The following ZFHX3 variants were observed in gnomAD, a reference collection of about 807,000 sequenced individuals.
The protein encoded by ZFHX3 is zinc finger homeobox protein 3.
In ZFHX3, 42 loss-of-function variants were observed where a neutral mutation model predicts 279.1. That is an observed-to-expected ratio of 0.15 (90% CI 0.12 to 0.19). ZFHX3 has a LOEUF of 0.19. Ranked by LOEUF, ZFHX3 falls within the 10% of genes least tolerant of loss-of-function variation. The probability of loss-of-function intolerance (pLI) is 1.00; values close to 1 mark genes in which losing one functional copy is unlikely to be tolerated. For missense variants in ZFHX3, 4,981 were observed against 4,754.0 expected (o/e 1.05, Z -1.40); for synonymous variants, 2,293 against 1,957.8 (o/e 1.17, Z -4.52).
chr16:73,304,410 C>T (rs1176504083), intron 4 of ZFHX3, among the ~76,000 whole-genome samples: 1 of 152,118 alleles, frequency 6.6e-6, no homozygotes. Context: ...GAGGTCCCCG[C>T]GTGCCTCTGT....
intron 1 of ZFHX3, among the ~76,000 whole-genome samples, chr16:73,881,496 C>G (rs1241566666): frequency 7.7e-6 from 1 of 129,616 alleles, no homozygotes; most frequent in Non-Finnish European, 1.6e-5. Context: ...CCCCCCCACT[C>G]TGCCCATGGT....
At chr16:73,262,141 T>C (rs992680172) in intron 4 of ZFHX3, among the ~76,000 whole-genome samples, 1 of 152,226 alleles carries the variant, frequency 6.6e-6, no homozygotes, top group African/African-American at 2.4e-5. Context: ...ATTTTCACAT[T>C]TAAGTGAATT....
chr16:73,885,632 T>C (rs2142418161), intron 1 of ZFHX3, among the ~76,000 whole-genome samples: 1 of 152,266 alleles, frequency 6.6e-6, no homozygotes, highest in East Asian at 1.9e-4. Flanking sequence ...CAAAAAAAGG[T>C]GATGGGAGAA....
At chr16:73,420,677 G>C (rs190983597) in intron 3 of ZFHX3, 68 of 152,260 alleles carry the variant, frequency 4.5e-4, no homozygotes, top group African/African-American at 1.6e-3. Context: ...AACCAAGCTG[G>C]CTGGTGTCGC....
At chr16:72,886,535 G>C (rs1000455547) in intron 4 of ZFHX3, among the ~76,000 whole-genome samples, 1 of 152,174 alleles carries the variant, frequency 6.6e-6, no homozygotes, top group Non-Finnish European at 1.5e-5. Context: ...GCTGTACACT[G>C]TTTAGTGTGG....
chr16:72,996,674 G>T (rs1963306958), intron 1 of ZFHX3, among the ~76,000 whole-genome samples: 1 of 152,252 alleles, frequency 6.6e-6, no homozygotes, highest in Non-Finnish European at 1.5e-5. Flanking sequence ...GCATTACCAG[G>T]CCCTGCCCTG....
intron 3 of ZFHX3, among the ~76,000 whole-genome samples, chr16:72,908,210 C>T (rs1597368398): frequency 6.6e-6 from 1 of 152,238 alleles, no homozygotes; most frequent in East Asian, 1.9e-4. Context: ...TGGGGATTGA[C>T]ACACAGGAGC....
At chr16:73,757,516 G>A (rs1233452264) in intron 1 of ZFHX3, among the ~76,000 whole-genome samples, 3 of 152,112 alleles carry the variant, frequency 2.0e-5, no homozygotes, top group Non-Finnish European at 4.4e-5. Flanking sequence ...AGGACAGTAG[G>A]GAATGTTTTT....
At chr16:73,673,273 T>C (rs1171976410) in intron 2 of ZFHX3, among the ~76,000 whole-genome samples, 1 of 152,206 alleles carries the variant, frequency 6.6e-6, no homozygotes, top group Non-Finnish European at 1.5e-5. Flanking sequence ...CTAATTTTCC[T>C]ACTTTTAAGC....
chr16:73,167,233 T>G (rs764717075), intron 5 of ZFHX3, among the ~76,000 whole-genome samples: 5 of 152,264 alleles, frequency 3.3e-5, no homozygotes, highest in Non-Finnish European at 7.3e-5. Context: ...TTGGAAATTC[T>G]CTTAAAATTT....
At position 73,004,159 on chromosome 16, in the gene ZFHX3, C is replaced by CTTTTTTTTTTTTTTTTTTTTTTTTT. The variant is rs3081625; in HGVS notation, c.-50+43568_-50+43592dup. On this transcript the variant is annotated intron_variant, in intron 1 of 9. Coordinates refer to ENST00000268489, the MANE Select transcript of ZFHX3 (RefSeq NM_006885.4). ...CAATAATAACTACATAAAAACACGA[C>CTTTTTTTTTTTTTTTTTTTTTTTTT]TTTTTTTTTTTTTTTTTTTTTTTTT... is the stretch of plus-strand genomic sequence containing the variant. Among the ~76,000 whole-genome samples, 4 of 49,372 alleles carry CTTTTTTTTTTTTTTTTTTTTTTTTT rather than the reference C, an allele frequency of 8.1e-5. 1 individual carries two copies. Among genetic ancestry groups the CTTTTTTTTTTTTTTTTTTTTTTTTT allele is most frequent in the African/African-American group, 2.1e-4 (2 of 9,434 alleles). 32.4% of individuals were successfully genotyped at this position (49,372 alleles called of 152,430 possible).
At chr16:73,092,774 T>C in intron 8 of ZFHX3, 1 of 369,538 alleles carries the variant, frequency 2.7e-6, no homozygotes, top group Non-Finnish European at 5.3e-6. Context: ...GTCTTCACCC[T>C]GCTATTTATG....
intron 4 of ZFHX3, among the ~76,000 whole-genome samples, chr16:72,872,985 C>G (rs2038203161): frequency 1.3e-5 from 2 of 152,172 alleles, no homozygotes. Context: ...CTTCCTCTGT[C>G]TCTACTGATT....
At chr16:73,540,515 A>T (rs993034520) in intron 2 of ZFHX3, among the ~76,000 whole-genome samples, 1 of 152,202 alleles carries the variant, frequency 6.6e-6, no homozygotes, top group Non-Finnish European at 1.5e-5. Context: ...ACAGAGAAAA[A>T]AGATCAATCA....
At chr16:73,681,524 T>C (rs2053009774) in intron 1 of ZFHX3, among the ~76,000 whole-genome samples, 3 of 152,348 alleles carry the variant, frequency 2.0e-5, no homozygotes, top group Admixed American at 1.3e-4. Flanking sequence ...TTCATTCGAA[T>C]AGTCATGAGT....
At chr16:73,129,939 A>G (rs763181525) in intron 7 of ZFHX3, among the ~76,000 whole-genome samples, 1 of 152,204 alleles carries the variant, frequency 6.6e-6, no homozygotes, top group Admixed American at 6.5e-5. Context: ...AGGCAAAAGC[A>G]GGAAAACAGG....
chr16:73,271,414 G>A (rs1422107745), intron 4 of ZFHX3, among the ~76,000 whole-genome samples: 1 of 152,182 alleles, frequency 6.6e-6, no homozygotes, highest in Non-Finnish European at 1.5e-5. Flanking sequence ...CCGAGCCACT[G>A]GTGAAAGCCC....
At chr16:73,799,134 A>C (rs991689389) in intron 1 of ZFHX3, among the ~76,000 whole-genome samples, 3 of 152,134 alleles carry the variant, frequency 2.0e-5, no homozygotes, top group African/African-American at 7.2e-5. Context: ...TGGAGGCACC[A>C]ATGAGGTGAT....
intron 3 of ZFHX3, among the ~76,000 whole-genome samples, chr16:73,383,548 A>G (rs1353318043): frequency 6.6e-6 from 1 of 152,214 alleles, no homozygotes; most frequent in East Asian, 1.9e-4. Flanking sequence ...CAAAGGGAAG[A>G]GAATAGCATC....
Sources: allele counts gnomAD v4.1 joint callset (sites outside exome capture counted in the v4.1 genomes callset), GRCh38; gene constraint gnomAD v4.1.1; transcripts MANE v1.5; gene names NCBI Gene and HGNC (gene_info 2026-07-23, HGNC 2026-07-21).